MINDY2: variants seen among roughly 807,000 people sequenced by gnomAD.
MINDY2 encodes the protein MINDY lysine 48 deubiquitinase 2, also known as ubiquitin carboxyl-terminal hydrolase MINDY-2.
Under a neutral mutation model 68.2 loss-of-function variants are expected in MINDY2, and 52 were observed. That is an observed-to-expected ratio of 0.76 (90% CI 0.61 to 0.96). The LOEUF (loss-of-function observed/expected upper bound fraction) is 0.96, where lower values mean the gene tolerates loss of function less well. Ranked by LOEUF, MINDY2 falls within the 40% of genes least tolerant of loss-of-function variation. The pLI, the probability that MINDY2 is intolerant of heterozygous loss-of-function variation, is 0.00. For missense variants in MINDY2, 881 were observed against 773.4 expected (o/e 1.14, Z -1.65); for synonymous variants, 372 against 303.0 (o/e 1.23, Z -2.36).
intron 6 of MINDY2, among the ~76,000 whole-genome samples, chr15:58,839,479 C>G (rs1465107297): frequency 3.9e-5 from 6 of 151,932 alleles, no homozygotes; most frequent in African/African-American, 9.7e-5. Flanking sequence ...TTACAGGTGC[C>G]TGCCACCACA....
At chr15:58,795,864 A>G (rs1413655740) in intron 2 of MINDY2, among the ~76,000 whole-genome samples, 1 of 152,122 alleles carries the variant, frequency 6.6e-6, no homozygotes, top group Non-Finnish European at 1.5e-5. Flanking sequence ...TGCATGAAGT[A>G]GAGGACAGAG....
intron 6 of MINDY2, among the ~76,000 whole-genome samples, chr15:58,842,369 T>C (rs1213100721): frequency 6.6e-6 from 1 of 152,142 alleles, no homozygotes; most frequent in African/African-American, 2.4e-5. Flanking sequence ...TAGAAGGAGG[T>C]ACAGTTCTGG....
chr15:58,829,004 G>C (rs2031572698), intron 5 of MINDY2, among the ~76,000 whole-genome samples: 2 of 151,986 alleles, frequency 1.3e-5, no homozygotes, highest in Admixed American at 1.3e-4. Context: ...ATAAAATTGA[G>C]ATTTAATGTG....
chr15:58,782,707 G>A (rs1362033948), intron 1 of MINDY2, among the ~76,000 whole-genome samples: 2 of 152,012 alleles, frequency 1.3e-5, no homozygotes, highest in Admixed American at 1.3e-4. Context: ...TTGGTAATTG[G>A]TAATTTGGTA....
intron 3 of MINDY2, among the ~76,000 whole-genome samples, chr15:58,803,647 C>T (rs546613058): frequency 1.3e-5 from 2 of 152,024 alleles, no homozygotes; most frequent in Non-Finnish European, 2.9e-5. Flanking sequence ...AAAACCCCAC[C>T]TCTACTAAAA....
intron 4 of MINDY2, among the ~76,000 whole-genome samples, chr15:58,812,632 A>G (rs2030371053): frequency 6.6e-6 from 1 of 152,152 alleles, no homozygotes; most frequent in South Asian, 2.1e-4. Flanking sequence ...GGCCAAGGCA[A>G]GAGGACCACT....
intron 3 of MINDY2, among the ~76,000 whole-genome samples, chr15:58,806,397 A>G (rs1903011988): frequency 7.5e-6 from 1 of 134,204 alleles, no homozygotes; most frequent in Non-Finnish European, 1.5e-5. Context: ...TCACTCTGTC[A>G]CTTTGTCTGG....
chr15:58,820,639 A>G (rs2030999873), intron 4 of MINDY2, among the ~76,000 whole-genome samples: 1 of 152,146 alleles, frequency 6.6e-6, no homozygotes, highest in African/African-American at 2.4e-5. Flanking sequence ...GTGGTTCTCA[A>G]ACTTCGCTAT....
chr15:58,806,383 G>C (rs1485778669), intron 3 of MINDY2, among the ~76,000 whole-genome samples: 4 of 147,500 alleles, frequency 2.7e-5, no homozygotes, highest in African/African-American at 1.0e-4. Context: ...TTTGAGACAG[G>C]GTCTCACTCT....
chr15:58,832,350 C>A (rs1377248119), intron 6 of MINDY2, among the ~76,000 whole-genome samples: 1 of 151,278 alleles, frequency 6.6e-6, no homozygotes, highest in Non-Finnish European at 1.5e-5. Flanking sequence ...CCTCAGCTTC[C>A]CGAGTAGCTG....
At position 58,854,760 on chromosome 15, in the gene MINDY2, A is replaced by G. The variant is rs1455295052; in HGVS notation, c.*150A>G. ...GGGGAACGGTTGTTACTTAGTTACA[A>G]TCAGACTTTTTCAAGTCACACAATA... On this transcript the variant is annotated 3_prime_UTR_variant, in exon 9 of 9. Transcript: ENST00000559228. The G allele has an allele frequency of 5.9e-6, 5 of 840,644 alleles. No homozygotes were observed. Among genetic ancestry groups the G allele is most frequent in the Non-Finnish European group, 7.0e-6 (4 of 571,122 alleles). The allele number at this position is 840,644 out of a possible 1,614,324, so 52.1% of individuals were successfully genotyped here.
At chr15:58,812,930 C>G (rs2030397326) in intron 4 of MINDY2, among the ~76,000 whole-genome samples, 1 of 152,148 alleles carries the variant, frequency 6.6e-6, no homozygotes, top group Non-Finnish European at 1.5e-5. Flanking sequence ...AGAATCCCGC[C>G]TGATGCCCTT....
In MINDY2 at chr15:58,821,757, A is replaced by C; in HGVS notation, c.1163A>C (p.Asn388Thr). The C allele has an allele frequency of 6.3e-7, 1 of 1,591,640 alleles. No individual in the cohort carries two copies. Among genetic ancestry groups the C allele is most frequent in the Non-Finnish European group, 8.5e-7 (1 of 1,172,498 alleles). ...AAAGCTGTTGGTAACTGCAGCTACAACCAACTAGTGGAGAAGATCATCTCT... is the reference window on the plus strand; with the variant it reads ...AAAGCTGTTGGTAACTGCAGCTACACCCAACTAGTGGAGAAGATCATCTCT... Reference protein sequence around the residue: ...IVKAVGNCSYNQLVEKIISCK... With the variant: ...IVKAVGNCSYTQLVEKIISCK... The change falls in exon 5 of 9, where the codon AAC (asparagine) becomes ACC (threonine). Residue 388 changes from asparagine to threonine, a missense_variant. Asn to Thr is a moderately conservative substitution (Grantham distance 65). Transcript: ENST00000559228.
intron 2 of MINDY2, among the ~76,000 whole-genome samples, chr15:58,798,329 G>T (rs191517021): frequency 2.2e-4 from 32 of 147,416 alleles, no homozygotes; most frequent in African/African-American, 7.5e-4. Context: ...ATTTGTCTAT[G>T]TTGGCCAGGC....
intron 2 of MINDY2, among the ~76,000 whole-genome samples, chr15:58,792,785 A>G (rs1216339260): frequency 1.3e-5 from 2 of 152,206 alleles, no homozygotes; most frequent in Non-Finnish European, 2.9e-5. Context: ...GAACCCTGAA[A>G]CTTTTAAGTG....
intron 5 of MINDY2, among the ~76,000 whole-genome samples, chr15:58,829,085 T>A (rs1311431038): frequency 6.6e-6 from 1 of 152,174 alleles, no homozygotes; most frequent in African/African-American, 2.4e-5. Context: ...CTCTGATAAG[T>A]TTACAAATAA....
Position 58,859,608 on chromosome 15 carries a change from T to G in MINDY2, c.*4998T>G, listed in dbSNP as rs1231086594. 6.6e-6 allele frequency: 1 copy of G among 152,196 alleles called. No homozygotes were observed. Among genetic ancestry groups the G allele is most frequent in the African/African-American group, 2.4e-5 (1 of 41,458 alleles). 9.4% of individuals were successfully genotyped at this position (152,196 alleles called of 1,614,324 possible). ...TACTCTTCTCAGGTGACACTTTAAATATTAAAATCAGAGGCTTCCTGAACA... is the reference window on the plus strand; with the variant it reads ...TACTCTTCTCAGGTGACACTTTAAAGATTAAAATCAGAGGCTTCCTGAACA... On this transcript the variant is annotated 3_prime_UTR_variant, in exon 9 of 9. Transcript: ENST00000559228.
intron 5 of MINDY2, among the ~76,000 whole-genome samples, chr15:58,828,579 T>C (rs983997520): frequency 1.4e-5 from 2 of 145,468 alleles, no homozygotes; most frequent in South Asian, 2.2e-4. Flanking sequence ...GAATTTCTTT[T>C]TTTTTTTTTT....
intron 1 of MINDY2, among the ~76,000 whole-genome samples, chr15:58,783,848 G>A (rs998674523): frequency 2.6e-5 from 4 of 152,136 alleles, no homozygotes; most frequent in Admixed American, 2.0e-4. Flanking sequence ...GGGAGGTGGA[G>A]GTGGGAGCAT....
Sources: gnomAD v4.1 joint callset for allele counts (sites outside exome capture counted in the v4.1 genomes callset) on GRCh38, gnomAD v4.1.1 for gene constraint, MANE v1.5 for transcripts, NCBI Gene and HGNC (gene_info 2026-07-23, HGNC 2026-07-21) for gene names.